The following SLC4A4 variants were observed in gnomAD, a reference collection of about 807,000 sequenced individuals.
SLC4A4 encodes the protein electrogenic sodium bicarbonate cotransporter 1.
Under a neutral mutation model 111.5 loss-of-function variants are expected in SLC4A4, and 27 were observed. The observed-to-expected ratio is 0.24, with a 90% CI of 0.18 to 0.33. The LOEUF is 0.33. Ranked by LOEUF, SLC4A4 falls within the 10% of genes least tolerant of loss-of-function variation. SLC4A4 has a pLI of 1.00. For synonymous variants in SLC4A4, 443 were observed against 463.4 expected (o/e 0.96, Z 0.57); for missense variants, 909 against 1,315.5 (o/e 0.69, Z 4.78).
At chr4:71,188,151 CCAG>C (rs1451563130) in intron 1 of SLC4A4, among the ~76,000 whole-genome samples, 7 of 152,098 alleles carry the variant, frequency 4.6e-5, no homozygotes, top group African/African-American at 1.7e-4. Context: ...TAATAAGTCA[CCAG>C]AGGAAGGCAG....
intron 2 of SLC4A4, among the ~76,000 whole-genome samples, chr4:71,137,021 G>T (rs1057294753): frequency 1.3e-5 from 2 of 152,098 alleles, no homozygotes; most frequent in African/African-American, 4.8e-5. Context: ...CATAAAACTG[G>T]CTACAGGAAC....
chr4:71,534,140 A>G (rs1734188333), intron 17 of SLC4A4, 87 bp from the exon 18 acceptor site: 2 of 1,099,026 alleles, frequency 1.8e-6, no homozygotes, highest in Non-Finnish European at 2.8e-6. Flanking sequence ...ATCCAAATAT[A>G]AAAGCATGTC....
chr4:71,346,728 C>T (rs1440763040), intron 4 of SLC4A4, among the ~76,000 whole-genome samples: 2 of 151,964 alleles, frequency 1.3e-5, no homozygotes, highest in Non-Finnish European at 2.9e-5. Context: ...AAAGCATGTG[C>T]CATTTCTGGA....
rs182307190 is a variant in SLC4A4, at chr4:71,507,839, G to A, written c.2166+10147G>A. On this transcript the variant is annotated intron_variant, in intron 16 of 25. Coordinates refer to ENST00000264485, the MANE Select transcript of SLC4A4 (RefSeq NM_001098484.3). Reference sequence around the variant, plus strand: ...TTACTTTAAAATTGATCACATAATCGGAAGTTAAACACTCTTCAGCAGATG... The same window carrying A: ...TTACTTTAAAATTGATCACATAATCAGAAGTTAAACACTCTTCAGCAGATG... 1.4e-3 allele frequency among the ~76,000 whole-genome samples: 211 copies of A among 152,116 alleles called. 1 individual carries two copies. The highest frequency in any genetic ancestry group is 4.7e-3 in the African/African-American group (196 of 41,498).
rs115526576 is a variant in SLC4A4, at chr4:71,100,461, G to C, written c.-2+7669G>C. On this transcript the variant is annotated intron_variant, in intron 2 of 26. Transcript: ENST00000649996. ...AGGAAACTACCTAAAAATAATAAGA[G>C]CCATATATGACAAACCACAGTCAAC... is the stretch of plus-strand genomic sequence containing the variant. 2.0e-5 allele frequency among the ~76,000 whole-genome samples: 3 copies of C among 152,122 alleles called. No homozygotes were observed. In the East Asian group the frequency reaches 5.8e-4, roughly 29 times the overall value.
intron 1 of SLC4A4, among the ~76,000 whole-genome samples, chr4:71,214,299 G>C (rs1307268432): frequency 6.6e-6 from 1 of 152,158 alleles, no homozygotes; most frequent in African/African-American, 2.4e-5. Flanking sequence ...GGAGGGAAGA[G>C]GTTTGAAAGG....
intron 7 of SLC4A4, among the ~76,000 whole-genome samples, chr4:71,435,783 T>C (rs745539708): frequency 6.6e-6 from 1 of 152,244 alleles, no homozygotes; most frequent in Non-Finnish European, 1.5e-5. Flanking sequence ...AGAAGACATT[T>C]ATGCGGCCAA....
chr4:71,468,290 A>G (rs2149101992), intron 13 of SLC4A4, among the ~76,000 whole-genome samples: 1 of 152,232 alleles, frequency 6.6e-6, no homozygotes, highest in Middle Eastern at 3.4e-3. Context: ...GAAAGATTAA[A>G]CAAGGATGTA....
At chr4:71,310,766 T>C (rs1560399317) in intron 3 of SLC4A4, among the ~76,000 whole-genome samples, 2 of 152,254 alleles carry the variant, frequency 1.3e-5, no homozygotes, top group East Asian at 3.9e-4. Context: ...ATGAAGAAAC[T>C]GCATTAACTA....
chr4:71,391,157 A>G (rs545645009), intron 6 of SLC4A4, among the ~76,000 whole-genome samples: 1 of 152,204 alleles, frequency 6.6e-6, no homozygotes, highest in East Asian at 1.9e-4. Flanking sequence ...AATCAGACCC[A>G]TACCTCCAAA....
chr4:71,177,504 AC>A (rs1016734966), intron 2 of SLC4A4, among the ~76,000 whole-genome samples: 2 of 152,160 alleles, frequency 1.3e-5, no homozygotes, highest in African/African-American at 4.8e-5. Context: ...CAAATGGAAA[AC>A]AAAAAAAGGC....
At chr4:71,445,760 A>G (rs1560515273) in intron 8 of SLC4A4, among the ~76,000 whole-genome samples, 1 of 152,230 alleles carries the variant, frequency 6.6e-6, no homozygotes, top group Non-Finnish European at 1.5e-5. Flanking sequence ...TGCTTTAATC[A>G]TTAAATATAT....
intron 4 of SLC4A4, among the ~76,000 whole-genome samples, chr4:71,340,581 G>A (rs1215797205): frequency 6.6e-6 from 1 of 152,116 alleles, no homozygotes; most frequent in African/African-American, 2.4e-5. Context: ...CTGTGAATAA[G>A]GGGACTACTG....
Position 71,281,806 on chromosome 4 carries a change from C to T in SLC4A4, c.253+26407C>T, listed in dbSNP as rs1329350248. 4.6e-5 allele frequency among the ~76,000 whole-genome samples: 7 copies of T among 152,228 alleles called. No homozygotes were observed. The East Asian group carries it at 1.3e-3, about 29-fold the overall frequency. ...AAAATAATTTGAGAGATTATAATGCCACACTAAATATAGTGATACGTTAGT... is the reference window on the plus strand; with the variant it reads ...AAAATAATTTGAGAGATTATAATGCTACACTAAATATAGTGATACGTTAGT... On this transcript the variant is annotated intron_variant, in intron 3 of 25. Coordinates refer to ENST00000264485, the MANE Select transcript of SLC4A4 (RefSeq NM_001098484.3).
chr4:71,232,824 G>T (rs1719528664), intron 1 of SLC4A4, among the ~76,000 whole-genome samples: 1 of 152,250 alleles, frequency 6.6e-6, no homozygotes, highest in Non-Finnish European at 1.5e-5. Context: ...TTTAGGACCA[G>T]TTCGATTAAT....
chr4:71,458,036 TGC>T (rs1259472323), intron 12 of SLC4A4, among the ~76,000 whole-genome samples: 92 of 152,276 alleles, frequency 6.0e-4, no homozygotes, highest in Middle Eastern at 6.8e-3. Flanking sequence ...ATTTTTGATC[TGC>T]AGTTGGTTGA....
chr4:71,225,799 A>G (rs550797113), intron 1 of SLC4A4, among the ~76,000 whole-genome samples: 167 of 152,372 alleles, frequency 1.1e-3, no homozygotes, highest in African/African-American at 3.9e-3. Context: ...GCCAATCTGC[A>G]TCTGATCTGA....
chr4:71,154,542 T>A (rs1463228875), intron 2 of SLC4A4, among the ~76,000 whole-genome samples: 2 of 152,110 alleles, frequency 1.3e-5, no homozygotes, highest in African/African-American at 4.8e-5. Flanking sequence ...CAGTGTACAA[T>A]CAACAAAGAA....
chr4:71,181,164 A>G lies in SLC4A4; in HGVS notation c.-1-55412A>G, dbSNP rs1358078490. On this transcript the variant is annotated intron_variant, in intron 2 of 26. Transcript: ENST00000649996. Reference sequence around the variant, plus strand: ...CTCACTCATAGGTGGGAATTGAACAATGAGAACACATGGACACAGGAAGGG... The same window carrying G: ...CTCACTCATAGGTGGGAATTGAACAGTGAGAACACATGGACACAGGAAGGG... Among the ~76,000 whole-genome samples the G allele has an allele frequency of 3.5e-5, 5 of 141,206 alleles. No individual in the cohort carries two copies. The South Asian group carries it at 1.1e-3, about 32-fold the overall frequency. The allele number at this position is 141,206 out of a possible 152,430, so 92.6% of individuals were successfully genotyped here.
Sources: gnomAD v4.1 joint callset for allele counts (sites outside exome capture counted in the v4.1 genomes callset) on GRCh38, gnomAD v4.1.1 for gene constraint, MANE v1.5 for transcripts, NCBI Gene and HGNC (gene_info 2026-07-23, HGNC 2026-07-21) for gene names.